The following DPF3 variants were observed in gnomAD, a reference collection of about 807,000 sequenced individuals.
DPF3 encodes the protein zinc finger protein DPF3.
A neutral mutation model predicts 56.8 loss-of-function variants in DPF3; 18 were observed. That is an observed-to-expected ratio of 0.32 (90% CI 0.22 to 0.47). The LOEUF is 0.47. DPF3 is among the 20% of genes least tolerant of loss of function. The probability of loss-of-function intolerance (pLI) is 1.00; values close to 1 mark genes in which losing one functional copy is unlikely to be tolerated. For missense variants in DPF3, 403 were observed against 488.8 expected, an observed-to-expected ratio of 0.82 and a Z score of 1.65; for synonymous variants, 188 against 180.2, an observed-to-expected ratio of 1.04 and a Z score of -0.35.
chr14:72,892,042 A>T, intron 1 of DPF3: 1 of 1,411,512 alleles, frequency 7.1e-7, no homozygotes, highest in African/African-American at 1.4e-5. Flanking sequence ...GATCCAAAAA[A>T]CCCTGGAGCG....
chr14:72,657,713 C>T (rs1017622860), intron 8 of DPF3, among the ~76,000 whole-genome samples: 3 of 152,164 alleles, frequency 2.0e-5, no homozygotes, highest in African/African-American at 4.8e-5. Context: ...TGGGCCAAAT[C>T]TGGCCAACTG....
At chr14:72,675,441 C>T (rs933428433) in intron 7 of DPF3, 2 of 152,244 alleles carry the variant, frequency 1.3e-5, no homozygotes, top group African/African-American at 4.8e-5. Context: ...GTATCTTCCT[C>T]CTCACCAGAC....
chr14:72,720,772 T>C (rs1226850431), intron 5 of DPF3, among the ~76,000 whole-genome samples: 2 of 152,144 alleles, frequency 1.3e-5, no homozygotes, highest in East Asian at 3.8e-4. Context: ...ACAAATTGCT[T>C]AACCCCCCTG....
In DPF3 at chr14:72,615,271, A is replaced by G. The variant is rs118012591; in HGVS notation, c.*4026T>C. On this transcript the variant is annotated 3_prime_UTR_variant, in exon 11 of 11. Coordinates refer to ENST00000556509, the MANE Select transcript of DPF3 (RefSeq NM_001280542.3). ...CCTACCTCCTCACACACAGACCCAA[A>G]GAGGAGACTATAAGCCCCTCTTCTT... Among the ~76,000 whole-genome samples, 34 of 152,260 alleles carry G rather than the reference A, an allele frequency of 2.2e-4. No individual in the cohort carries two copies. Among genetic ancestry groups the G allele is most frequent in the Non-Finnish European group, 4.0e-4 (27 of 68,000 alleles).
intron 1 of DPF3, among the ~76,000 whole-genome samples, chr14:72,800,626 A>G (rs1892846493): frequency 6.6e-6 from 1 of 152,138 alleles, no homozygotes; most frequent in African/African-American, 2.4e-5. Flanking sequence ...GCACAGATGG[A>G]TGCATGGATG....
chr14:72,662,310 T>C (rs1398722298), intron 8 of DPF3: 18 of 984,886 alleles, frequency 1.8e-5, no homozygotes, highest in Non-Finnish European at 2.2e-5. Context: ...AGAGTTAATA[T>C]GCAGTCTTTT....
chr14:72,677,555 T>C (rs1211595146), intron 7 of DPF3, among the ~76,000 whole-genome samples: 1 of 152,180 alleles, frequency 6.6e-6, no homozygotes, highest in South Asian at 2.1e-4. Context: ...CCATATTAAA[T>C]AGGTCTACTC....
intron 1 of DPF3, among the ~76,000 whole-genome samples, chr14:72,776,601 C>T (rs543303790): frequency 1.3e-5 from 2 of 152,200 alleles, no homozygotes; most frequent in Non-Finnish European, 2.9e-5. Flanking sequence ...TTTCAGAGCC[C>T]ATCAATCACA....
intron 1 of DPF3, among the ~76,000 whole-genome samples, chr14:72,856,023 A>G (rs1885157392): frequency 6.6e-6 from 1 of 152,182 alleles, no homozygotes; most frequent in Non-Finnish European, 1.5e-5. Flanking sequence ...AGAAAGAAAC[A>G]AGTGTTGAAT....
chr14:72,702,385 C>A (rs1334675491), intron 6 of DPF3, among the ~76,000 whole-genome samples: 1 of 152,098 alleles, frequency 6.6e-6, no homozygotes, highest in Non-Finnish European at 1.5e-5. Flanking sequence ...GCTCTGGGAA[C>A]CCCATGTCTC....
At chr14:72,801,254 C>T (rs1599453868) in intron 1 of DPF3, among the ~76,000 whole-genome samples, 5 of 152,206 alleles carry the variant, frequency 3.3e-5, no homozygotes, top group African/African-American at 9.7e-5. Context: ...GAATTGCAGG[C>T]CAATATCCAC....
At chr14:72,793,214 C>G (rs1408665775) in intron 1 of DPF3, among the ~76,000 whole-genome samples, 1 of 152,122 alleles carries the variant, frequency 6.6e-6, no homozygotes, top group Non-Finnish European at 1.5e-5. Flanking sequence ...GAAAGGAAAC[C>G]AAAAGTGTCA....
At chr14:72,710,901 A>C (rs1463169397) in intron 6 of DPF3, among the ~76,000 whole-genome samples, 2 of 152,232 alleles carry the variant, frequency 1.3e-5, no homozygotes, top group African/African-American at 4.8e-5. Flanking sequence ...GGATTGGGTA[A>C]AACATAAATC....
chr14:72,708,378 G>A (rs192666656), intron 6 of DPF3, among the ~76,000 whole-genome samples: 1 of 152,198 alleles, frequency 6.6e-6, no homozygotes, highest in East Asian at 1.9e-4. Flanking sequence ...CACAAGCCCC[G>A]CTCCACAAAT....
At chr14:72,789,394 T>TCTTG (rs1285901927) in intron 1 of DPF3, among the ~76,000 whole-genome samples, 2 of 152,160 alleles carry the variant, frequency 1.3e-5, no homozygotes, top group Non-Finnish European at 2.9e-5. Context: ...AACCAGGTGG[T>TCTTG]CTTGTTTCAG....
intron 3 of DPF3, among the ~76,000 whole-genome samples, chr14:72,737,770 A>G (rs1328544206): frequency 6.6e-6 from 1 of 152,168 alleles, no homozygotes; most frequent in Non-Finnish European, 1.5e-5. Context: ...GACAAGGCGC[A>G]TCCATCCGTC....
At chr14:72,861,047 ACACACACACACAC>A (rs1302443749) in intron 1 of DPF3, among the ~76,000 whole-genome samples, 5 of 149,858 alleles carry the variant, frequency 3.3e-5, no homozygotes, top group African/African-American at 1.2e-4. Flanking sequence ...ACACACACAC[ACACACACACACAC>A]ACACACACAG....
chr14:72,708,818 A>G (rs1888529485), intron 6 of DPF3, among the ~76,000 whole-genome samples: 1 of 152,114 alleles, frequency 6.6e-6, no homozygotes, highest in Non-Finnish European at 1.5e-5. Flanking sequence ...TGCTCCCTTC[A>G]TGTCCTCCAG....
intron 8 of DPF3, chr14:72,661,764 C>T: frequency 5.1e-6 from 5 of 985,352 alleles, no homozygotes; most frequent in Non-Finnish European, 6.0e-6. Flanking sequence ...CCCCAGAAGC[C>T]AGCTCAGCAG....
Sources: allele counts gnomAD v4.1 joint callset (sites outside exome capture counted in the v4.1 genomes callset), GRCh38; gene constraint gnomAD v4.1.1; transcripts MANE v1.5; gene names NCBI Gene and HGNC (gene_info 2026-07-23, HGNC 2026-07-21).